SRP14: variants seen among roughly 807,000 people sequenced by gnomAD.
SRP14 encodes signal recognition particle 14.
In SRP14, 1 loss-of-function variant was observed where a neutral mutation model predicts 16.0. That is an observed-to-expected ratio of 0.06 (90% CI 0.02 to 0.30). The LOEUF (loss-of-function observed/expected upper bound fraction) is 0.30. Among genes scored for constraint, SRP14 ranks in the 10% least tolerant of loss-of-function variants. The probability of loss-of-function intolerance (pLI) is 1.00; values close to 1 mark genes in which losing one functional copy is unlikely to be tolerated. For synonymous variants in SRP14, 67 were observed against 60.1 expected (o/e 1.12, Z -0.53); for missense variants, 120 against 163.1 (o/e 0.74, Z 1.44).
At chr15:40,037,137 C>T (rs1011912351) in intron 3 of SRP14, 119 bp from the exon 4 acceptor site, 4 of 1,306,404 alleles carry the variant, frequency 3.1e-6, no homozygotes, top group East Asian at 4.9e-5. Flanking sequence ...AAATACTTCT[C>T]CCCAACTTCA....
rs550607765 is a variant in SRP14 at position 40,038,456 on chromosome 15, A to G, written c.98-62T>C. On this transcript the variant is annotated intron_variant, in intron 2 of 4. Transcript: ENST00000267884. The stretch of plus-strand genomic sequence containing the variant: ...GTACGTGGCTGAGCGGCAGACAAAC[A>G]GTTAAAACAGAGGAGTGGGGTAAGT... The G allele has an allele frequency of 1.7e-4, 196 of 1,175,316 alleles. 1 individual carries two copies. The highest frequency in any genetic ancestry group is 2.3e-4 in the Non-Finnish European group (183 of 781,666). 72.8% of individuals were successfully genotyped at this position (1,175,316 alleles called of 1,614,324 possible).
At chr15:40,036,657 CTT>C (rs981262992) in intron 4 of SRP14, 157 bp from the exon 5 acceptor site, 2 of 774,428 alleles carry the variant, frequency 2.6e-6, no homozygotes, top group Non-Finnish European at 4.2e-6. Context: ...ATAAAACACT[CTT>C]TCACATTATA....
chr15:40,039,039 C>T (rs1360852785), intron 1 of SRP14, 54 bp downstream of exon 1: 9 of 1,606,894 alleles, frequency 5.6e-6, no homozygotes, highest in Non-Finnish European at 7.6e-6. Context: ...AGGCACAGGT[C>T]TCGAGTAACG....
At chr15:40,037,421 T>C in intron 3 of SRP14, 3 of 1,046,222 alleles carry the variant, frequency 2.9e-6, no homozygotes, top group South Asian at 3.2e-5. Flanking sequence ...ATATTTAAAC[T>C]ACTCCCTCCC....
chr15:40,038,463 A>C, intron 2 of SRP14, 69 bp from the exon 3 acceptor site: 1 of 1,087,490 alleles, frequency 9.2e-7, no homozygotes, highest in Non-Finnish European at 1.4e-6. Flanking sequence ...AACAGTTAAA[A>C]CAGAGGAGTG....
chr15:40,036,605 A>C lies in SRP14; in HGVS notation c.244-105T>G, dbSNP rs2035627565. 7.3e-6 allele frequency: 8 copies of C among 1,100,000 alleles called. 1 individual carries two copies. In the South Asian group the frequency reaches 1.2e-4, roughly 16 times the overall value. 68.1% of individuals were successfully genotyped at this position (1,100,000 alleles called of 1,614,324 possible). A position where few individuals can be genotyped will look rare whatever the true frequency, so the allele number is the denominator to read the frequency against. The stretch of plus-strand genomic sequence containing the variant: ...TAGGGTAGCCAAAAATCAGGAAAGA[A>C]TATAGCACCATTGGACACTTGTACC... On this transcript the variant is annotated intron_variant, in intron 4 of 4. Transcript: ENST00000267884.
chr15:40,037,218 C>G, intron 3 of SRP14, 200 bp from the exon 4 acceptor site: 1 of 1,234,056 alleles, frequency 8.1e-7, no homozygotes, highest in Non-Finnish European at 1.0e-6. Context: ...AAAAGGAGCT[C>G]TGCATCTTTT....
intron 3 of SRP14, chr15:40,037,235 T>A: frequency 8.1e-7 from 1 of 1,227,294 alleles, no homozygotes; most frequent in East Asian, 4.1e-5. Flanking sequence ...TTTTTCCACA[T>A]GAGAATTGCA....
Position 40,036,062 on chromosome 15 carries a change from G to A in SRP14, c.*271C>T. ...GTGCTGATAAACAGACATGTTTAAT[G>A]ATAGCTTGCTCTTCACAGAGATGTC... is the stretch of plus-strand genomic sequence containing the variant. On this transcript the variant is annotated 3_prime_UTR_variant, in exon 5 of 5. Coordinates refer to ENST00000267884, the MANE Select transcript of SRP14 (RefSeq NM_003134.6). 2.0e-6 allele frequency: 1 copy of A among 493,978 alleles called. No individual in the cohort carries two copies. The highest frequency in any genetic ancestry group is 3.7e-5 in the South Asian group (1 of 27,262). The allele number at this position is 493,978 out of a possible 1,614,324, so 30.6% of individuals were successfully genotyped here.
intron 3 of SRP14, chr15:40,037,438 AT>A: frequency 1.1e-6 from 1 of 947,794 alleles, no homozygotes; most frequent in Non-Finnish European, 1.4e-6. Flanking sequence ...TCCCCATCTT[AT>A]TTTTAAACCT....
Position 40,038,897 on chromosome 15 carries a change from C to T in SRP14, c.76G>A (p.Val26Ile), listed in dbSNP as rs1053143603. 3 of 1,613,692 alleles carry T rather than the reference C, an allele frequency of 1.9e-6. No homozygotes were observed. Among genetic ancestry groups the T allele is most frequent in the Non-Finnish European group, 2.5e-6 (3 of 1,179,930 alleles). ...LFQKCRTSGSVYITLKKYDGR... is the reference protein window; with the variant it reads ...LFQKCRTSGSIYITLKKYDGR... Reference sequence around the variant, plus strand: ...TTACACTTCTTCAAGGTGATATAGACGCTGCCCGACGTCCGGCACTTCTGG... The same window carrying T: ...TTACACTTCTTCAAGGTGATATAGATGCTGCCCGACGTCCGGCACTTCTGG... The change falls in exon 2 of 5, where the codon GTC (valine) becomes ATC (isoleucine). Residue 26 changes from valine to isoleucine, a missense_variant. Transcript: ENST00000267884.
intron 4 of SRP14, 61 bp from the exon 5 acceptor site, chr15:40,036,561 C>G (rs2035626883): frequency 1.3e-6 from 2 of 1,540,906 alleles, no homozygotes; most frequent in African/African-American, 1.4e-5. Context: ...GAACACCAGC[C>G]CTATCTGCAT....
At chr15:40,037,194 G>A in intron 3 of SRP14, 176 bp from the exon 4 acceptor site, 1 of 1,202,080 alleles carries the variant, frequency 8.3e-7, no homozygotes, top group Non-Finnish European at 1.1e-6. Context: ...ACTTTCCTCT[G>A]CCTAGAGAAC....
chr15:40,037,063 G>A lies in SRP14; in HGVS notation c.211-45C>T, dbSNP rs746495202. ...GAGGTCATACCTATTATCCATATAA[G>A]CATCCTCTTCTCCACCCCAGATAGT... On this transcript the variant is annotated intron_variant, in intron 3 of 4. Transcript: ENST00000267884. The A allele has an allele frequency of 1.3e-5, 21 of 1,599,844 alleles. No individual in the cohort carries two copies. In the African/African-American group the frequency reaches 2.6e-4, roughly 20 times the overall value.
intron 4 of SRP14, chr15:40,036,715 T>G: frequency 1.5e-6 from 1 of 663,712 alleles, no homozygotes; most frequent in East Asian, 2.7e-5. Context: ...TTTTTTACGT[T>G]TTTTTCCAAG....
At position 40,036,195 on chromosome 15, in the gene SRP14, T is replaced by C. The variant is rs1555424199; in HGVS notation, c.*138A>G. The C allele has an allele frequency of 7.0e-7, 1 of 1,432,044 alleles. No homozygotes were observed. Among genetic ancestry groups the C allele is most frequent in the Non-Finnish European group, 9.5e-7 (1 of 1,052,250 alleles). 88.7% of individuals were successfully genotyped at this position (1,432,044 alleles called of 1,614,324 possible). ...CTTACCACAACTATCCTATAAACAC[T>C]GCAACTATTCTTTCCAAAAGGACCC... is the stretch of plus-strand genomic sequence containing the variant. On this transcript the variant is annotated 3_prime_UTR_variant, in exon 5 of 5. Coordinates refer to ENST00000267884, the MANE Select transcript of SRP14 (RefSeq NM_003134.6).
In SRP14 at chr15:40,036,706, T is replaced by G. The variant is rs147634277; in HGVS notation, c.244-206A>C. 2.3e-4 allele frequency: 155 copies of G among 663,112 alleles called. No individual in the cohort carries two copies. The African/African-American group carries it at 2.5e-3, about 11-fold the overall frequency. The allele number at this position is 663,112 out of a possible 1,614,324, so 41.1% of individuals were successfully genotyped here. ...AACACCCACAGACAGTTGCACACAT[T>G]TTTTACGTTTTTTTCCAAGGGAAAA... On this transcript the variant is annotated intron_variant, in intron 4 of 4. Transcript: ENST00000267884.
intron 4 of SRP14, 107 bp from the exon 5 acceptor site, chr15:40,036,607 A>C: frequency 9.1e-7 from 1 of 1,102,784 alleles, no homozygotes; most frequent in East Asian, 2.4e-5. Flanking sequence ...AGGAAAGAAT[A>C]TAGCACCATT....
intron 4 of SRP14, chr15:40,036,760 T>C (rs2035630066): frequency 4.7e-6 from 3 of 640,812 alleles, no homozygotes; most frequent in Non-Finnish European, 2.7e-6. Context: ...TCAACTATAG[T>C]ATAGGTAGCA....
Sources: allele counts gnomAD v4.1 joint callset, GRCh38; gene constraint gnomAD v4.1.1; transcripts MANE v1.5; gene names NCBI Gene and HGNC (gene_info 2026-07-23, HGNC 2026-07-21).